Variants in PAPOLA observed in about 807,000 individuals in gnomAD.
The protein encoded by PAPOLA is polynucleotide adenylyltransferase alpha.
A neutral mutation model predicts 100.6 loss-of-function variants in PAPOLA; 15 were observed. The ratio of observed to expected loss-of-function variants is 0.15; its 90% CI spans 0.10 to 0.23. The LOEUF (loss-of-function observed/expected upper bound fraction) is 0.23. Among genes scored for constraint, PAPOLA ranks in the 10% least tolerant of loss-of-function variants. PAPOLA has a pLI of 1.00. For missense variants in PAPOLA, 533 were observed against 884.2 expected, an observed-to-expected ratio of 0.60 and a Z score of 5.04; for synonymous variants, 293 against 300.0, an observed-to-expected ratio of 0.98 and a Z score of 0.24.
chr14:96,534,310 T>C, intron 9 of PAPOLA, 181 bp from the exon 10 acceptor site: 1 of 1,386,330 alleles, frequency 7.2e-7, no homozygotes, highest in South Asian at 1.8e-5. Flanking sequence ...TTAAGTTCAT[T>C]TCATAGTTAG....
chr14:96,512,907 A>G (rs1897200225), intron 1 of PAPOLA, among the ~76,000 whole-genome samples: 1 of 152,246 alleles, frequency 6.6e-6, no homozygotes, highest in Admixed American at 6.5e-5. Context: ...ACTAAGTACC[A>G]AAGAAGCTCC....
At chr14:96,559,025 T>G (rs1426293923) in intron 19 of PAPOLA, among the ~76,000 whole-genome samples, 1 of 151,928 alleles carries the variant, frequency 6.6e-6, no homozygotes. Context: ...AATTTTTTTT[T>G]TTTTTTTGGT....
chr14:96,564,797 G>T (rs1902149057), intron 21 of PAPOLA, among the ~76,000 whole-genome samples, 158 bp from the exon 22 acceptor site: 1 of 151,930 alleles, frequency 6.6e-6, no homozygotes, highest in Non-Finnish European at 1.5e-5. Flanking sequence ...AATGTGATAG[G>T]CATATTTACA....
chr14:96,537,075 G>T lies in PAPOLA; in HGVS notation c.1115+15G>T. On this transcript the variant is annotated intron_variant, in intron 12 of 21. Transcript: ENST00000216277. ...CAAAAGTACAAGTATGTATTTTAAG[G>T]CATGTCGGACATGTTGCTCTCTTAA... 1.4e-6 allele frequency: 2 copies of T among 1,419,434 alleles called. No homozygotes were observed. The highest frequency in any genetic ancestry group is 2.0e-6 in the Non-Finnish European group (2 of 1,002,666). 87.9% of individuals were successfully genotyped at this position (1,419,434 alleles called of 1,614,324 possible).
chr14:96,515,786 T>C (rs1452622613), intron 1 of PAPOLA, among the ~76,000 whole-genome samples: 1 of 152,236 alleles, frequency 6.6e-6, no homozygotes, highest in Non-Finnish European at 1.5e-5. Flanking sequence ...TTTTTCCTTT[T>C]TGTGTTACGT....
At chr14:96,526,783 T>A (rs1898524329) in intron 4 of PAPOLA, 1 of 152,524 alleles carries the variant, frequency 6.6e-6, no homozygotes, top group Non-Finnish European at 1.5e-5. Flanking sequence ...GTTCTTCCTG[T>A]TCTAATAAAT....
chr14:96,529,911 T>C (rs1004050587), intron 6 of PAPOLA, among the ~76,000 whole-genome samples: 7 of 152,228 alleles, frequency 4.6e-5, no homozygotes, highest in Non-Finnish European at 8.8e-5. Context: ...TCTTCAAAAT[T>C]AGCCTTAACT....
chr14:96,558,718 G>T (rs1432962347), intron 19 of PAPOLA, among the ~76,000 whole-genome samples: 1 of 151,828 alleles, frequency 6.6e-6, no homozygotes, highest in Non-Finnish European at 1.5e-5. Flanking sequence ...TCTTGCCATT[G>T]AATTACTTAA....
intron 4 of PAPOLA, among the ~76,000 whole-genome samples, 171 bp downstream of exon 4, chr14:96,525,562 T>C (rs1056220590): frequency 6.6e-6 from 1 of 152,194 alleles, no homozygotes; most frequent in African/African-American, 2.4e-5. Context: ...CTGACTTCTA[T>C]ATCGCCACTG....
intron 15 of PAPOLA, among the ~76,000 whole-genome samples, chr14:96,546,049 T>C (rs1307341576): frequency 6.6e-6 from 1 of 152,126 alleles, no homozygotes; most frequent in Non-Finnish European, 1.5e-5. Context: ...AATCCAATAC[T>C]TTATGGGATT....
Position 96,542,875 on chromosome 14 carries a change from C to T in PAPOLA, c.1271C>T (p.Pro424Leu), listed in dbSNP as rs201258211. The T allele has an allele frequency of 1.2e-6, 2 of 1,611,834 alleles. No individual in the cohort carries two copies. Among genetic ancestry groups the T allele is most frequent in the Non-Finnish European group, 1.7e-6 (2 of 1,179,406 alleles). Residue 424 changes from proline to leucine, a missense_variant, in exon 14 of 22, where the codon CCC becomes CTC. Around this residue, in one of 9 missense-constraint regions of PAPOLA, gnomAD observed 87 missense variants for 173.3 expected, o/e 0.50. Coordinates refer to ENST00000216277, the MANE Select transcript of PAPOLA (RefSeq NM_032632.5). ...AHVNPQSFPA[P>L]KENPDKEEFR... ...GTGAATCCCCAGTCATTTCCAGCAC[C>T]CAAAGAAAATCCCGACAAGTAAGCC...
intron 3 of PAPOLA, among the ~76,000 whole-genome samples, chr14:96,521,381 C>CTT (rs1897948550): frequency 6.6e-6 from 1 of 152,122 alleles, no homozygotes; most frequent in African/African-American, 2.4e-5. Flanking sequence ...TAAAAAGGTG[C>CTT]TTTAAACATA....
chr14:96,560,584 G>A (rs1389389062), intron 19 of PAPOLA, 65 bp from the exon 20 acceptor site: 12 of 996,290 alleles, frequency 1.2e-5, no homozygotes, highest in Non-Finnish European at 1.8e-5. Context: ...ATAAAGTAAA[G>A]CATTGATTGG....
intron 17 of PAPOLA, 60 bp from the exon 18 acceptor site, chr14:96,555,786 AT>A (rs146485027): frequency 0.14 from 107,750 of 796,490 alleles, 7,405 homozygotes; most frequent in South Asian, 0.18. Context: ...GATTATTGTA[AT>A]TTTTTTTTTA....
chr14:96,532,175 T>C (rs970524756), intron 7 of PAPOLA, 156 bp from the exon 8 acceptor site: 9 of 1,403,434 alleles, frequency 6.4e-6, no homozygotes, highest in Non-Finnish European at 8.3e-6. Context: ...TTACTGGTTC[T>C]ACCAAATAAA....
In PAPOLA at chr14:96,555,740, C is replaced by T; in HGVS notation, c.1665-107C>T. Reference sequence around the variant, plus strand: ...TGTATAGGAAGTAAAACCAAAGAATCATTTACTTTACAAAATAATTTCTAT... The same window carrying T: ...TGTATAGGAAGTAAAACCAAAGAATTATTTACTTTACAAAATAATTTCTAT... On this transcript the variant is annotated intron_variant, in intron 17 of 21. Transcript: ENST00000216277. 9.2e-6 allele frequency: 5 copies of T among 542,840 alleles called. No homozygotes were observed. The East Asian group carries it at 1.6e-4, about 18-fold the overall frequency. The allele number at this position is 542,840 out of a possible 1,614,324, so 33.6% of individuals were successfully genotyped here.
At chr14:96,558,882 G>A (rs1370067393) in intron 19 of PAPOLA, among the ~76,000 whole-genome samples, 1 of 151,902 alleles carries the variant, frequency 6.6e-6, no homozygotes, top group African/African-American at 2.4e-5. Flanking sequence ...TTGTTTCATT[G>A]ATTTTTTAAA....
intron 1 of PAPOLA, among the ~76,000 whole-genome samples, chr14:96,507,249 A>G (rs1322939271): frequency 7.0e-6 from 1 of 142,878 alleles, no homozygotes; most frequent in African/African-American, 2.7e-5. Context: ...AAAGCATGCC[A>G]TTCTTACTAA....
intron 21 of PAPOLA, 79 bp downstream of exon 21, chr14:96,562,972 C>A: frequency 1.3e-6 from 1 of 782,934 alleles, no homozygotes; most frequent in South Asian, 1.5e-5. Flanking sequence ...AGTGAGAGTT[C>A]ATAGAAGACT....
Sources: allele counts gnomAD v4.1 joint callset (sites outside exome capture counted in the v4.1 genomes callset), GRCh38; gene constraint gnomAD v4.1.1; regional missense constraint gnomAD v4.1.1; transcripts MANE v1.5; gene names NCBI Gene and HGNC (gene_info 2026-07-23, HGNC 2026-07-21).